The following BMX variants were observed in gnomAD, a reference collection of about 807,000 sequenced individuals.
BMX encodes BMX non-receptor tyrosine kinase.
A neutral mutation model predicts 59.2 loss-of-function variants in BMX; 31 were observed. The observed-to-expected ratio is 0.52, with a 90% confidence interval of 0.39 to 0.71. BMX has a LOEUF of 0.71. Among genes scored for constraint, BMX ranks in the 30% least tolerant of loss-of-function variants. The probability of loss-of-function intolerance (pLI) is 0.00; values close to 1 mark genes in which losing one functional copy is unlikely to be tolerated. For synonymous variants in BMX, 185 were observed against 181.0 expected, an observed-to-expected ratio of 1.02 and a Z score of -0.18; for missense variants, 474 against 491.7, an observed-to-expected ratio of 0.96 and a Z score of 0.34.
chrX:15,555,975 G>T lies in BMX; in HGVS notation c.1954-98G>T. The T allele has an allele frequency of 2.4e-6, 2 of 834,134 alleles. No individual in the cohort carries two copies. The highest frequency in any genetic ancestry group is 1.7e-6 in the Non-Finnish European group (1 of 593,597). 68.7% of individuals were successfully genotyped at this position (834,134 alleles called of 1,213,427 possible). On this transcript the variant is annotated intron_variant, in intron 18 of 18. Transcript: ENST00000348343. ...GTTGTGTTTCCACATTTTAAAAGTTGCTAGCTTTAGGACTTAGATGTAAAT... is the reference window on the plus strand; with the variant it reads ...GTTGTGTTTCCACATTTTAAAAGTTTCTAGCTTTAGGACTTAGATGTAAAT...
chrX:15,518,120 G>A, intron 6 of BMX, 127 bp downstream of exon 6: 1 of 499,297 alleles, frequency 2.0e-6, no homozygotes, highest in Non-Finnish European at 3.2e-6. Flanking sequence ...AAAACCATGA[G>A]CTCTAGATAA....
At chrX:15,538,518 TA>T (rs1335423543) in intron 14 of BMX, among the ~76,000 whole-genome samples, 2 of 112,161 alleles carry the variant, frequency 1.8e-5, no homozygotes, top group Non-Finnish European at 3.8e-5. Context: ...AATTTTTACT[TA>T]AACAGTTATA....
chrX:15,509,500 A>G, intron 3 of BMX, 67 bp downstream of exon 3: 1 of 687,418 alleles, frequency 1.5e-6, no homozygotes, highest in Non-Finnish European at 2.1e-6. Flanking sequence ...CGTGAACTCA[A>G]TATATCTAGG....
intron 1 of BMX, among the ~76,000 whole-genome samples, chrX:15,505,082 T>A (rs1300073632): frequency 8.9e-6 from 1 of 112,400 alleles, no homozygotes; most frequent in Non-Finnish European, 1.9e-5. Flanking sequence ...ATTGTCACAA[T>A]ACGAGGGGGG....
At chrX:15,522,609 G>A (rs1159002550) in intron 7 of BMX, 22 bp downstream of exon 7, 1 of 1,207,391 alleles carries the variant, frequency 8.3e-7, no homozygotes, top group Non-Finnish European at 1.1e-6. Flanking sequence ...CTTTCAGACG[G>A]GCTGCCCAGC....
chrX:15,543,834 C>T (rs1312872088), intron 16 of BMX, among the ~76,000 whole-genome samples: 1 of 111,621 alleles, frequency 9.0e-6, no homozygotes, highest in Non-Finnish European at 1.9e-5. Context: ...TTTTTAAAGT[C>T]TTCTTTTACC....
intron 8 of BMX, among the ~76,000 whole-genome samples, chrX:15,525,686 A>G (rs1423191099): frequency 9.0e-6 from 1 of 111,458 alleles, no homozygotes; most frequent in Non-Finnish European, 1.9e-5. Flanking sequence ...TATATACACA[A>G]CCCAATTTTT....
Position 15,527,283 on chromosome X carries a change from T to TATATAC in BMX, c.884+1189_884+1190insTATACA, listed in dbSNP as rs1285065649. 9.4e-3 allele frequency among the ~76,000 whole-genome samples: 616 copies of TATATAC among 65,547 alleles called. 1 individual carries two copies. Among genetic ancestry groups the TATATAC allele is most frequent in the Non-Finnish European group, 0.014 (507 of 37,034 alleles). The allele number at this position is 65,547 out of a possible 115,157, so 56.9% of individuals were successfully genotyped here. ...ATATATATATATATATATATATATA[T>TATATAC]ACACACACACACACACACATATATA... is the stretch of plus-strand genomic sequence containing the variant. On this transcript the variant is annotated intron_variant, in intron 9 of 18. Coordinates refer to ENST00000348343, the MANE Select transcript of BMX (RefSeq NM_203281.3).
At chrX:15,535,928 A>C (rs1925312839) in intron 12 of BMX, among the ~76,000 whole-genome samples, 1 of 112,213 alleles carries the variant, frequency 8.9e-6, no homozygotes, top group Admixed American at 9.5e-5. Context: ...TTGACCACTT[A>C]ATGAAACTTA....
At chrX:15,525,915 G>C in intron 8 of BMX, 127 bp from the exon 9 acceptor site, 1 of 557,868 alleles carries the variant, frequency 1.8e-6, no homozygotes, top group Non-Finnish European at 2.8e-6. Flanking sequence ...TGCAGAAGGA[G>C]AAACCTAACA....
intron 6 of BMX, among the ~76,000 whole-genome samples, chrX:15,519,412 G>C (rs1924333392): frequency 8.9e-6 from 1 of 111,891 alleles, no homozygotes; most frequent in Admixed American, 9.5e-5. Context: ...GACCTTATTG[G>C]AACTAGGATC....
chrX:15,508,579 C>T (rs1923830126), intron 2 of BMX, 88 bp downstream of exon 2: 1 of 781,625 alleles, frequency 1.3e-6, no homozygotes, highest in South Asian at 3.3e-5. Context: ...GAAAGAATAT[C>T]AGGTTTCTTA....
At chrX:15,534,379 A>G (rs922667390) in intron 12 of BMX, 40 bp downstream of exon 12, 5 of 1,108,028 alleles carry the variant, frequency 4.5e-6, no homozygotes, top group Non-Finnish European at 6.0e-6. Context: ...CCCTTGTTGT[A>G]AAACAGCAAT....
chrX:15,503,556 T>A (rs1399082290), intron 1 of BMX, among the ~76,000 whole-genome samples: 1 of 112,089 alleles, frequency 8.9e-6, no homozygotes, highest in Admixed American at 9.5e-5. Flanking sequence ...AGGTCACTGG[T>A]TAACAGTACT....
chrX:15,511,264 C>G (rs903589262), intron 3 of BMX, among the ~76,000 whole-genome samples, 173 bp from the exon 4 acceptor site: 1 of 112,000 alleles, frequency 8.9e-6, no homozygotes, highest in African/African-American at 3.2e-5. Flanking sequence ...TGGGATAAAA[C>G]AAATTGATAA....
At chrX:15,529,781 A>G (rs1444964835) in intron 9 of BMX, among the ~76,000 whole-genome samples, 192 bp from the exon 10 acceptor site, 1 of 112,003 alleles carries the variant, frequency 8.9e-6, no homozygotes, top group East Asian at 2.8e-4. Flanking sequence ...CTCCACCCCA[A>G]CATCAGAATT....
intron 17 of BMX, 50 bp downstream of exon 17, chrX:15,546,971 C>T (rs1174708589): frequency 1.1e-5 from 11 of 1,047,529 alleles, no homozygotes; most frequent in Non-Finnish European, 1.5e-5. Flanking sequence ...AGCTTACTTC[C>T]ACAACAGGAA....
chrX:15,511,313 C>G lies in BMX; in HGVS notation c.244-124C>G, dbSNP rs1202310568. ...TAAGAAAATTTTTTTCATCTAATTC[C>G]AGAGCTGATGTATACTGTATAAGCA... On this transcript the variant is annotated intron_variant, in intron 3 of 18. Coordinates refer to ENST00000348343, the MANE Select transcript of BMX (RefSeq NM_203281.3). 6.7e-6 allele frequency: 3 copies of G among 446,621 alleles called. No homozygotes were observed. The Admixed American group carries it at 1.5e-4, about 22-fold the overall frequency. The allele number at this position is 446,621 out of a possible 1,213,427, so 36.8% of individuals were successfully genotyped here. A position where few individuals can be genotyped will look rare whatever the true frequency, so the allele number is the denominator to read the frequency against.
In BMX at chrX:15,509,337, C is replaced by A; in HGVS notation, c.147C>A (p.Gly49=). Residue 49 remains glycine (G), a synonymous_variant, in exon 3 of 19, where the codon GGC becomes GGA. Coordinates refer to ENST00000348343, the MANE Select transcript of BMX (RefSeq NM_203281.3). ...TTTGTTTTTTAATTCAGAAAAGGGG[C>A]AGCAGAAAAGGATCCATTGAAATTA... The part of the protein sequence containing the change: ...SYYEYDKMKR[G]SRKGSIEIKK... The A allele has an allele frequency of 1.7e-6, 2 of 1,198,992 alleles. No homozygotes were observed. Among genetic ancestry groups the A allele is most frequent in the African/African-American group, 3.6e-5 (2 of 56,214 alleles).
Sources: allele counts gnomAD v4.1 joint callset (sites outside exome capture counted in the v4.1 genomes callset), GRCh38; gene constraint gnomAD v4.1.1; transcripts MANE v1.5; gene names NCBI Gene and HGNC (gene_info 2026-07-23, HGNC 2026-07-21).